Variants in STXBP5 observed in about 807,000 individuals in gnomAD.
STXBP5 encodes syntaxin-binding protein 5.
Under a neutral mutation model 152.4 loss-of-function variants are expected in STXBP5, and 50 were observed. The observed-to-expected ratio is 0.33, with a 90% CI of 0.26 to 0.42. STXBP5 has a LOEUF of 0.42. Among genes scored for constraint, STXBP5 ranks in the 10% least tolerant of loss-of-function variants. STXBP5 has a pLI of 1.00. For synonymous variants in STXBP5, 492 were observed against 494.7 expected, an observed-to-expected ratio of 0.99 and a Z score of 0.07; for missense variants, 1,167 against 1,388.6, an observed-to-expected ratio of 0.84 and a Z score of 2.54.
At chr6:147,382,755 T>G (rs2128423863) in intron 26 of STXBP5, 23 bp from the exon 27 acceptor site, 1 of 1,608,942 alleles carries the variant, frequency 6.2e-7, no homozygotes, top group East Asian at 2.2e-5. Flanking sequence ...TGAGTTACTC[T>G]TTGATTTATC....
At chr6:147,219,244 C>G (rs1313409011) in intron 2 of STXBP5, among the ~76,000 whole-genome samples, 1 of 152,124 alleles carries the variant, frequency 6.6e-6, no homozygotes, top group African/African-American at 2.4e-5. Context: ...AAATGTTGAA[C>G]TAGACTTGCA....
chr6:147,336,899 G>C (rs544439169), intron 19 of STXBP5, among the ~76,000 whole-genome samples: 1 of 152,002 alleles, frequency 6.6e-6, no homozygotes, highest in Non-Finnish European at 1.5e-5. Flanking sequence ...ATCAAGATTT[G>C]TGATCTCAAC....
chr6:147,219,477 A>G (rs926989528), intron 2 of STXBP5, among the ~76,000 whole-genome samples: 1 of 152,150 alleles, frequency 6.6e-6, no homozygotes, highest in African/African-American at 2.4e-5. Flanking sequence ...TCTGAAAGAG[A>G]CTAGAAACTT....
chr6:147,229,243 T>C (rs1777876617), intron 2 of STXBP5, among the ~76,000 whole-genome samples: 1 of 152,092 alleles, frequency 6.6e-6, no homozygotes, highest in African/African-American at 2.4e-5. Context: ...TTTTAATTTG[T>C]TTTCGTGAAT....
At chr6:147,298,858 A>G (rs369202869) in intron 9 of STXBP5, among the ~76,000 whole-genome samples, 10 of 152,046 alleles carry the variant, frequency 6.6e-5, no homozygotes, top group African/African-American at 2.4e-4. Context: ...GTAGCAATAA[A>G]TACTTCCATC....
At position 147,266,372 on chromosome 6, in the gene STXBP5, G is replaced by T. The variant is rs1478547085; in HGVS notation, c.631-712G>T. On this transcript the variant is annotated intron_variant, in intron 6 of 27. Transcript: ENST00000321680. ...GGGTTAAAATAGGAGCAAGACTGGA[G>T]TCAAGGAGACCCGAAAAGGAATCTT... is the stretch of plus-strand genomic sequence containing the variant. Among the ~76,000 whole-genome samples the T allele has an allele frequency of 2.0e-5, 3 of 152,136 alleles. No homozygotes were observed. The East Asian group carries it at 5.8e-4, about 29-fold the overall frequency.
In STXBP5 at chr6:147,387,723, C is replaced by T. The variant is rs536573662; in HGVS notation, c.*2968C>T. ...GGATGTGAAAAATGCTGCTACTTGT[C>T]TATGTTATTATGTGTAAGTATATTA... is the stretch of plus-strand genomic sequence containing the variant. On this transcript the variant is annotated 3_prime_UTR_variant, in exon 28 of 28. Coordinates refer to ENST00000321680, the MANE Select transcript of STXBP5 (RefSeq NM_001127715.4). 1.3e-3 allele frequency: 204 copies of T among 151,404 alleles called. 1 individual carries two copies. The highest frequency in any genetic ancestry group is 4.9e-3 in the African/African-American group (202 of 41,364). 9.4% of individuals were successfully genotyped at this position (151,404 alleles called of 1,614,324 possible). A position where few individuals can be genotyped will look rare whatever the true frequency, so the allele number is the denominator to read the frequency against.
At chr6:147,371,675 A>G (rs1022678953) in intron 25 of STXBP5, among the ~76,000 whole-genome samples, 1 of 152,196 alleles carries the variant, frequency 6.6e-6, no homozygotes, top group Non-Finnish European at 1.5e-5. Flanking sequence ...TCATTCTACT[A>G]CAGAGAATAT....
intron 9 of STXBP5, among the ~76,000 whole-genome samples, chr6:147,304,216 G>T (rs1460164584): frequency 2.0e-5 from 3 of 152,124 alleles, no homozygotes; most frequent in African/African-American, 7.2e-5. Flanking sequence ...CCAGATCCAG[G>T]GTCTTGCCGC....
At chr6:147,311,549 G>T in intron 11 of STXBP5, 22 bp downstream of exon 11, 1 of 1,578,086 alleles carries the variant, frequency 6.3e-7, no homozygotes, top group Non-Finnish European at 8.7e-7. Context: ...AATTTGGTGA[G>T]TGATTCTATC....
At chr6:147,363,205 A>G (rs1785142444) in intron 23 of STXBP5, 130 bp from the exon 24 acceptor site, 11 of 957,760 alleles carry the variant, frequency 1.1e-5, no homozygotes, top group South Asian at 1.1e-4. Flanking sequence ...AATCCTGTCA[A>G]TGAGCCAGTG....
chr6:147,340,389 T>C (rs1048227181), intron 21 of STXBP5, among the ~76,000 whole-genome samples: 13 of 152,060 alleles, frequency 8.5e-5, no homozygotes, highest in African/African-American at 2.9e-4. Flanking sequence ...GGTTTATTCT[T>C]GGGCAAAGGG....
At chr6:147,333,199 A>G (rs776341768) in intron 18 of STXBP5, among the ~76,000 whole-genome samples, 2 of 152,164 alleles carry the variant, frequency 1.3e-5, no homozygotes, top group Non-Finnish European at 2.9e-5. Flanking sequence ...TTCCAGGACC[A>G]TTAGTTTGAT....
intron 9 of STXBP5, among the ~76,000 whole-genome samples, chr6:147,306,317 A>G (rs1292930320): frequency 2.6e-5 from 4 of 152,226 alleles, no homozygotes; most frequent in African/African-American, 9.6e-5. Context: ...AAATGTGGTA[A>G]TGCTGAGTAG....
chr6:147,253,405 A>T (rs1390596841), intron 4 of STXBP5, among the ~76,000 whole-genome samples: 1 of 152,180 alleles, frequency 6.6e-6, no homozygotes, highest in African/African-American at 2.4e-5. Context: ...CAAGACAAGG[A>T]TGCCCTCTCT....
In STXBP5 at chr6:147,244,259, A is replaced by G. The variant is rs544470639; in HGVS notation, c.431+4989A>G. On this transcript the variant is annotated intron_variant, in intron 4 of 27. Transcript: ENST00000321680. ...GGTATCAGAGGGGTTTCTGTAACCAATCCCTCACAGATATGGAGGGATGAC... is the reference window on the plus strand; with the variant it reads ...GGTATCAGAGGGGTTTCTGTAACCAGTCCCTCACAGATATGGAGGGATGAC... Among the ~76,000 whole-genome samples the G allele has an allele frequency of 7.7e-4, 117 of 152,270 alleles. 2 individuals carry two copies. The highest frequency in any genetic ancestry group is 2.7e-3 in the African/African-American group (112 of 41,570).
At chr6:147,233,987 C>G (rs1038002734) in intron 2 of STXBP5, among the ~76,000 whole-genome samples, 2 of 151,048 alleles carry the variant, frequency 1.3e-5, no homozygotes, top group African/African-American at 4.9e-5. Flanking sequence ...TAATTAATTG[C>G]TAGTAATAAA....
chr6:147,303,414 T>G (rs1206514543), intron 9 of STXBP5, among the ~76,000 whole-genome samples: 1 of 152,214 alleles, frequency 6.6e-6, no homozygotes, highest in Non-Finnish European at 1.5e-5. Context: ...GTAAGTTCCC[T>G]GAGGCCTCCC....
intron 2 of STXBP5, among the ~76,000 whole-genome samples, chr6:147,219,799 G>GTTTTTTTTTTTTTTT (rs35444906): frequency 1.2e-5 from 1 of 86,104 alleles, no homozygotes; most frequent in Non-Finnish European, 2.3e-5. Context: ...CTAGAAGCTT[G>GTTTTTTTTTTTTTTT]TTTTTTTTTT....
Sources: gnomAD v4.1 joint callset for allele counts (sites outside exome capture counted in the v4.1 genomes callset) on GRCh38, gnomAD v4.1.1 for gene constraint, MANE v1.5 for transcripts, NCBI Gene and HGNC (gene_info 2026-07-23, HGNC 2026-07-21) for gene names.